Variants in HRH2 observed in about 807,000 individuals in gnomAD.
HRH2 encodes histamine receptor H2.
HRH2 carries 4 observed loss-of-function variants against 20.1 expected under a neutral mutation model. The observed-to-expected ratio is 0.20, with a 90% CI of 0.10 to 0.45. The LOEUF is 0.45. Among genes scored for constraint, HRH2 ranks in the 20% least tolerant of loss-of-function variants. The pLI is 0.99. For synonymous variants in HRH2, 197 were observed against 200.7 expected, an observed-to-expected ratio of 0.98 and a Z score of 0.16; for missense variants, 250 against 461.6, an observed-to-expected ratio of 0.54 and a Z score of 4.20.
intron 2 of HRH2, among the ~76,000 whole-genome samples, chr5:175,695,161 C>T (rs1327463539): frequency 6.6e-6 from 1 of 152,060 alleles, no homozygotes; most frequent in Non-Finnish European, 1.5e-5. Flanking sequence ...CTGCCCAGCA[C>T]GTTGACCCTC....
At chr5:175,672,615 A>G (rs1273431220) in intron 1 of HRH2, among the ~76,000 whole-genome samples, 1 of 152,194 alleles carries the variant, frequency 6.6e-6, no homozygotes, top group Admixed American at 6.5e-5. Context: ...TACGATGGTT[A>G]TTTTCAAGTG....
intron 2 of HRH2, among the ~76,000 whole-genome samples, chr5:175,704,939 T>C (rs901806750): frequency 3.9e-5 from 6 of 151,946 alleles, no homozygotes; most frequent in African/African-American, 1.5e-4. Context: ...TGGTATCCTT[T>C]TATAAATTGC....
chr5:175,673,489 A>G (rs368321231), intron 1 of HRH2, among the ~76,000 whole-genome samples: 2 of 152,206 alleles, frequency 1.3e-5, no homozygotes, highest in African/African-American at 4.8e-5. Flanking sequence ...CTACAGAGAC[A>G]GAAAGCAGGT....
At position 175,686,543 on chromosome 5, in the gene HRH2, C is replaced by T. The variant is rs1581441287; in HGVS notation, c.1076+2234C>T. On this transcript the variant is annotated intron_variant, in intron 2 of 2. Transcript: ENST00000636584. The surrounding 1 kb of genome is among the most constrained non-coding windows in gnomAD (Gnocchi z 4.7). ...TCCACCCTGTGCCACCCTCGGCCAC[C>T]TGCAATTGCTCATGGTCTAGTTAAG... Among the ~76,000 whole-genome samples, 2 of 152,208 alleles carry T rather than the reference C, an allele frequency of 1.3e-5. No homozygotes were observed. The highest frequency in any genetic ancestry group is 2.9e-5 in the Non-Finnish European group (2 of 68,052).
chr5:175,683,418 T>C lies in HRH2; in HGVS notation c.185T>C (p.Ile62Thr). 1 of 1,614,232 alleles carries C rather than the reference T, an allele frequency of 6.2e-7. No homozygotes were observed. Among genetic ancestry groups the C allele is most frequent in the Non-Finnish European group, 8.5e-7 (1 of 1,180,036 alleles). Residue 62 changes from isoleucine to threonine, a missense_variant, in exon 2 of 3, where the codon ATC becomes ACC. Physicochemically the swap from Ile to Thr is moderately conservative, Grantham distance 89. Around this residue, in one of 5 missense-constraint regions of HRH2, gnomAD observed 86 missense variants for 176.4 expected, o/e 0.49. Coordinates refer to ENST00000636584, the MANE Select transcript of HRH2 (RefSeq NM_001367711.1). Reference protein sequence around the residue: ...LTNCFIVSLAITDLLLGLLVL... With the variant: ...LTNCFIVSLATTDLLLGLLVL... ...AATTGTTTCATCGTGTCCTTGGCTA[T>C]CACTGACCTGCTCCTCGGCCTCCTG...
chr5:175,707,161 G>A (rs1203802366), intron 2 of HRH2, among the ~76,000 whole-genome samples: 3 of 152,220 alleles, frequency 2.0e-5, no homozygotes, highest in Non-Finnish European at 4.4e-5. Context: ...AGTGGCTCAT[G>A]CCTGTCATCC....
intron 2 of HRH2, among the ~76,000 whole-genome samples, chr5:175,704,750 TCAA>T: frequency 6.6e-6 from 1 of 152,174 alleles, no homozygotes; most frequent in East Asian, 1.9e-4. Context: ...AGACATAAAA[TCAA>T]CGTACATTGT....
rs796639986 is a variant in HRH2, at chr5:175,662,370, CAG to C, written c.-526+4219_-526+4220del. ...GTGCTGGCGTCTAGTGGGTAGACGT[CAG>C]AGATGCTACTAAACTTCCCACAATA... is the stretch of plus-strand genomic sequence containing the variant. On this transcript the variant is annotated intron_variant, in intron 1 of 2. Transcript: ENST00000636584. 7.9e-4 allele frequency among the ~76,000 whole-genome samples: 121 copies of C among 152,256 alleles called. 2 individuals are homozygous for C. Among genetic ancestry groups the C allele is most frequent in the African/African-American group, 2.8e-3 (117 of 41,540 alleles).
At chr5:175,673,460 A>G (rs1280558452) in intron 1 of HRH2, among the ~76,000 whole-genome samples, 2 of 152,150 alleles carry the variant, frequency 1.3e-5, no homozygotes, top group Admixed American at 1.3e-4. Context: ...TGTGCCCACA[A>G]TATGCAGAAA....
intron 2 of HRH2, among the ~76,000 whole-genome samples, chr5:175,703,200 T>A (rs1163846854): frequency 6.6e-6 from 1 of 152,214 alleles, no homozygotes; most frequent in Non-Finnish European, 1.5e-5. Flanking sequence ...TGTGTTAGGT[T>A]AAGAAGTATG....
chr5:175,665,135 C>T (rs565709762), intron 1 of HRH2, among the ~76,000 whole-genome samples: 1 of 152,126 alleles, frequency 6.6e-6, no homozygotes, highest in Non-Finnish European at 1.5e-5. Flanking sequence ...GAGGAAGGGA[C>T]AGCTTCAAAG....
At chr5:175,663,186 A>T (rs1762787489) in intron 1 of HRH2, among the ~76,000 whole-genome samples, 1 of 152,084 alleles carries the variant, frequency 6.6e-6, no homozygotes, top group South Asian at 2.1e-4. Flanking sequence ...TATGCCTCGG[A>T]GTAGAATGGC....
At chr5:175,676,020 C>G (rs1243270239) in intron 1 of HRH2, among the ~76,000 whole-genome samples, 1 of 150,570 alleles carries the variant, frequency 6.6e-6, no homozygotes, top group Non-Finnish European at 1.5e-5. Flanking sequence ...GTGTGTTCTC[C>G]CTTGTGCATA....
chr5:175,659,545 G>C (rs1193216927), intron 1 of HRH2, among the ~76,000 whole-genome samples: 1 of 152,160 alleles, frequency 6.6e-6, no homozygotes, highest in African/African-American at 2.4e-5. Flanking sequence ...TGGGAAACTG[G>C]TGCCATCAAA....
At chr5:175,671,371 A>C (rs533155524) in intron 1 of HRH2, among the ~76,000 whole-genome samples, 11 of 152,308 alleles carry the variant, frequency 7.2e-5, no homozygotes, top group African/African-American at 2.6e-4. Context: ...TCTGCCTGTA[A>C]GAGAAAGTTG....
At chr5:175,695,795 CCAGGGAA>C (rs968129553) in intron 2 of HRH2, among the ~76,000 whole-genome samples, 6 of 152,162 alleles carry the variant, frequency 3.9e-5, no homozygotes, top group East Asian at 1.9e-4. Flanking sequence ...TAAGGATGGG[CCAGGGAA>C]CAGGGAAGAG....
intron 1 of HRH2, among the ~76,000 whole-genome samples, chr5:175,660,401 T>A (rs561382754): frequency 1.3e-5 from 2 of 152,356 alleles, no homozygotes; most frequent in South Asian, 4.1e-4. Flanking sequence ...AACGCCCATG[T>A]GACCACCAAA....
At position 175,686,134 on chromosome 5, in the gene HRH2, G is replaced by A. The variant is rs1033442031; in HGVS notation, c.1076+1825G>A. Reference sequence around the variant, plus strand: ...CGCTTCCAGTCCTGATGGGTAAAACGCCCACCTACCATATCCTTGCGCAAT... The same window carrying A: ...CGCTTCCAGTCCTGATGGGTAAAACACCCACCTACCATATCCTTGCGCAAT... On this transcript the variant is annotated intron_variant, in intron 2 of 2. Coordinates refer to ENST00000636584, the MANE Select transcript of HRH2 (RefSeq NM_001367711.1). This position sits in a 1 kb window ranked among gnomAD's most constrained non-coding sequence, Gnocchi z 4.7. 3 of 152,244 alleles carry A rather than the reference G, an allele frequency of 2.0e-5. No individual in the cohort carries two copies. Among genetic ancestry groups the A allele is most frequent in the African/African-American group, 7.2e-5 (3 of 41,416 alleles). The allele number at this position is 152,244 out of a possible 1,614,324, so 9.4% of individuals were successfully genotyped here.
rs1365301150 is a variant in HRH2 at position 175,683,302 on chromosome 5, G to T, written c.69G>T (p.Val23=). The change falls in exon 2 of 3, where the codon GTG becomes GTT. Residue 23 remains valine (V), a synonymous_variant. Coordinates refer to ENST00000636584, the MANE Select transcript of HRH2 (RefSeq NM_001367711.1). ...CCGCATGCAAGATCACCATCACCGT[G>T]GTCCTTGCGGTCCTCATCCTCATCA... ...DSTACKITIT[V]VLAVLILITV... 6.2e-7 allele frequency: 1 copy of T among 1,614,004 alleles called. No homozygotes were observed.
Sources: allele counts gnomAD v4.1 joint callset (sites outside exome capture counted in the v4.1 genomes callset), GRCh38; gene constraint gnomAD v4.1.1; regional missense constraint gnomAD v4.1.1; non-coding constraint Gnocchi (gnomAD v3.1); transcripts MANE v1.5; gene names NCBI Gene and HGNC (gene_info 2026-07-23, HGNC 2026-07-21).